Variants in ADGRE2 observed in about 807,000 individuals in gnomAD.
ADGRE2 encodes the protein CD97 antigen.
ADGRE2 carries 83 observed loss-of-function variants against 100.8 expected under a neutral mutation model. The observed-to-expected ratio is 0.82, with a 90% CI of 0.69 to 0.99. The LOEUF (loss-of-function observed/expected upper bound fraction) is 0.99. ADGRE2 is among the 50% of genes least tolerant of loss of function. The probability of loss-of-function intolerance (pLI) is 0.00; values close to 1 mark genes in which losing one functional copy is unlikely to be tolerated. For missense variants in ADGRE2, 814 were observed against 1,035.7 expected, an observed-to-expected ratio of 0.79 and a Z score of 2.94; for synonymous variants, 355 against 413.0, an observed-to-expected ratio of 0.86 and a Z score of 1.70.
At chr19:14,774,728 C>T (rs1222593037) in intron 2 of ADGRE2, among the ~76,000 whole-genome samples, 1 of 88,986 alleles carries the variant, frequency 1.1e-5, no homozygotes, top group African/African-American at 3.6e-5. Flanking sequence ...GGCTGAAGTG[C>T]AATGGTGCGA....
At chr19:14,774,493 T>G (rs1161619710) in intron 2 of ADGRE2, among the ~76,000 whole-genome samples, 187 bp from the exon 3 acceptor site, 1 of 151,622 alleles carries the variant, frequency 6.6e-6, no homozygotes, top group Non-Finnish European at 1.5e-5. Context: ...TGTCACCCTG[T>G]CCTCATGGGG....
At chr19:14,742,109 A>T in intron 20 of ADGRE2, 1 of 398,600 alleles carries the variant, frequency 2.5e-6, no homozygotes, top group Non-Finnish European at 4.4e-6. Flanking sequence ...AAAGCATTTA[A>T]ACTGAGATCA....
the ADGRE2 span, among the ~76,000 whole-genome samples, chr19:14,726,674 C>T: frequency 7.2e-5 from 11 of 152,130 alleles, no homozygotes; most frequent in Admixed American, 2.0e-4. Context: ...TCAAACTTCC[C>T]GAAAGCCTTA....
At chr19:14,777,016 G>A (rs2044470937) in intron 1 of ADGRE2, 89 bp from the exon 2 acceptor site, 2 of 699,686 alleles carry the variant, frequency 2.9e-6, no homozygotes, top group Non-Finnish European at 3.6e-6. Flanking sequence ...ACACACACAC[G>A]TGTACTCGCT....
chr19:14,743,870 C>T, intron 18 of ADGRE2, 86 bp from the exon 19 acceptor site: 4 of 1,225,060 alleles, frequency 3.3e-6, no homozygotes, highest in Non-Finnish European at 4.7e-6. Flanking sequence ...AGTCCCCTGC[C>T]CTCCCCTGTA....
intron 5 of ADGRE2, chr19:14,772,064 A>G: frequency 2.1e-6 from 1 of 481,742 alleles, no homozygotes; most frequent in Non-Finnish European, 3.8e-6. Flanking sequence ...GGGTAAACCA[A>G]GGCTCTAAGA....
rs189615550 is a variant in ADGRE2 at position 14,778,327 on chromosome 19, C to T, written c.-242G>A. Reference sequence around the variant, plus strand: ...GGAGGCTGAGGCAGGAAGAATCACCCGAGCTGGGGAGTTTGAGGCTGCGGT... The same window carrying T: ...GGAGGCTGAGGCAGGAAGAATCACCTGAGCTGGGGAGTTTGAGGCTGCGGT... On this transcript the variant is annotated 5_prime_UTR_variant, in exon 1 of 21. Transcript: ENST00000315576. 4.2e-4 allele frequency: 71 copies of T among 167,846 alleles called. No homozygotes were observed. The highest frequency in any genetic ancestry group is 1.3e-3 in the African/African-American group (56 of 41,836). 10.4% of individuals were successfully genotyped at this position (167,846 alleles called of 1,614,324 possible). A position where few individuals can be genotyped will look rare whatever the true frequency, so the allele number is the denominator to read the frequency against.
rs748886583 is a variant in ADGRE2, at chr19:14,774,265, C to T, written c.73G>A (p.Asp25Asn). ...WLTLPGAETQ[D>N]SRGCARWCPQ... ...TTCCCAGCAGACTCACCCCTGGAGTCCTGGGTTTCAGCTCCCGGCAGAGTC... is the reference window on the plus strand; with the variant it reads ...TTCCCAGCAGACTCACCCCTGGAGTTCTGGGTTTCAGCTCCCGGCAGAGTC... Residue 25 changes from aspartate to asparagine, a missense_variant, in exon 3 of 21, where the codon GAC (aspartate) becomes AAC (asparagine). Around this residue, in one of 5 missense-constraint regions of ADGRE2, gnomAD observed 143 missense variants for 160.3 expected, o/e 0.89. Transcript: ENST00000315576. 1.1e-5 allele frequency: 17 copies of T among 1,580,104 alleles called. 1 individual carries two copies. The South Asian group carries it at 1.8e-4, about 17-fold the overall frequency.
chr19:14,724,766 CAAAAAG>C, the ADGRE2 span, among the ~76,000 whole-genome samples: 35 of 152,194 alleles, frequency 2.3e-4, no homozygotes, highest in African/African-American at 8.4e-4. Flanking sequence ...AATTTTGTCT[CAAAAAG>C]AAAAACTTTG....
intron 20 of ADGRE2, 45 bp downstream of exon 20, chr19:14,743,375 G>T (rs1157383483): frequency 6.7e-7 from 1 of 1,496,990 alleles, no homozygotes; most frequent in South Asian, 1.1e-5. Context: ...ATGCTCCTCA[G>T]GTGGGTCGGT....
At chr19:14,739,455 C>A (rs912328985) in intron 20 of ADGRE2, among the ~76,000 whole-genome samples, 1 of 152,204 alleles carries the variant, frequency 6.6e-6, no homozygotes, top group East Asian at 1.9e-4. Context: ...TAATTCCCTA[C>A]ACAAAAGTAC....
intron 18 of ADGRE2, 42 bp downstream of exon 18, chr19:14,746,190 C>T: frequency 8.1e-7 from 1 of 1,231,084 alleles, no homozygotes; most frequent in Non-Finnish European, 1.2e-6. Flanking sequence ...CTCTTGGGAA[C>T]CATACATGTC....
chr19:14,746,096 A>G (rs1475634959), intron 18 of ADGRE2, 136 bp downstream of exon 18: 3 of 646,226 alleles, frequency 4.6e-6, no homozygotes, highest in Non-Finnish European at 8.4e-6. Flanking sequence ...GCTGCCATAG[A>G]AGGATGGCTG....
intron 11 of ADGRE2, among the ~76,000 whole-genome samples, chr19:14,758,884 CAA>C (rs77345554): frequency 6.3e-5 from 7 of 110,444 alleles, no homozygotes; most frequent in Admixed American, 9.4e-5. Context: ...GACTCCGTCT[CAA>C]AAAAAAAAAA....
At chr19:14,739,760 T>C (rs1043673946) in intron 20 of ADGRE2, among the ~76,000 whole-genome samples, 4 of 152,102 alleles carry the variant, frequency 2.6e-5, no homozygotes, top group Admixed American at 6.5e-5. Context: ...GTGAACCCAA[T>C]GTAATCATCA....
chr19:14,770,660 C>CTTTCTTTTCTTTTCTT lies in ADGRE2; in HGVS notation c.355+1681_355+1682insAAGAAAAGAAAAGAAA, dbSNP rs1391110987. Among the ~76,000 whole-genome samples, 7 of 26,004 alleles carry CTTTCTTTTCTTTTCTT rather than the reference C, an allele frequency of 2.7e-4. 3 individuals carry two copies. Among genetic ancestry groups the CTTTCTTTTCTTTTCTT allele is most frequent in the African/African-American group, 2.4e-4 (1 of 4,244 alleles). The allele number at this position is 26,004 out of a possible 152,430, so 17.1% of individuals were successfully genotyped here. On this transcript the variant is annotated intron_variant, in intron 5 of 20. Coordinates refer to ENST00000315576, the MANE Select transcript of ADGRE2 (RefSeq NM_013447.4). ...TCTGTTTCTCTTTTTCTTTTTGTTT[C>CTTTCTTTTCTTTTCTT]TTTCTTTTCTTTTTTTTTTTTTTTT...
Position 14,765,397 on chromosome 19 carries a change from T to A in ADGRE2, c.829A>T (p.Thr277Ser), listed in dbSNP as rs537283205. 287 of 1,614,128 alleles carry A rather than the reference T, an allele frequency of 1.8e-4. 2 individuals are homozygous for A. The South Asian group carries it at 3.0e-3, about 17-fold the overall frequency. The change falls in exon 10 of 21, where the codon ACG (threonine) becomes TCG (serine). Residue 277 changes from threonine to serine, a missense_variant and splice_region_variant. Physicochemically the swap from Thr to Ser is moderately conservative, Grantham distance 58. Transcript: ENST00000315576. ...WTPPPGVHSQ[T>S]LSRFFDKVQD... is the part of the protein sequence containing the mutation. Reference sequence around the variant, plus strand: ...ACTTTGTCGAAGAATCGGGAAAGCGTCTGCAGAGAGAGGAGATGTGGGGGT... The same window carrying A: ...ACTTTGTCGAAGAATCGGGAAAGCGACTGCAGAGAGAGGAGATGTGGGGGT...
rs747287302 is a variant in ADGRE2, at chr19:14,772,462, A to T, written c.235T>A (p.Cys79Ser). 5 of 1,613,994 alleles carry T rather than the reference A, an allele frequency of 3.1e-6. No individual in the cohort carries two copies. Among genetic ancestry groups the T allele is most frequent in the Non-Finnish European group, 4.2e-6 (5 of 1,179,984 alleles). Reference sequence around the variant, plus strand: ...TTCCAGCAGTCCGAGAATTTTCCGCATGACACTTTCGACAGTGTTGCACAC... The same window carrying T: ...TTCCAGCAGTCCGAGAATTTTCCGCTTGACACTTTCGACAGTGTTGCACAC... ...NECATLSKVS[C>S]GKFSDCWNTE... Residue 79 changes from cysteine (C) to serine (S), a missense_variant, in exon 5 of 21, where the codon TGC (cysteine) becomes AGC (serine). Transcript: ENST00000315576.
intron 20 of ADGRE2, among the ~76,000 whole-genome samples, chr19:14,737,727 C>T (rs1041986667): frequency 6.6e-5 from 10 of 151,864 alleles, no homozygotes; most frequent in African/African-American, 2.4e-4. Flanking sequence ...TTTGGGAGGC[C>T]GAGGCGGGCA....
Sources: allele counts gnomAD v4.1 joint callset (sites outside exome capture counted in the v4.1 genomes callset), GRCh38; gene constraint gnomAD v4.1.1; regional missense constraint gnomAD v4.1.1; transcripts MANE v1.5; gene names NCBI Gene and HGNC (gene_info 2026-07-23, HGNC 2026-07-21).